C8orf74: variants seen among roughly 807,000 people sequenced by gnomAD.
The protein encoded by C8orf74 is uncharacterized protein C8orf74.
In C8orf74, 29 loss-of-function variants were observed where a neutral mutation model predicts 22.2. The ratio of observed to expected loss-of-function variants is 1.31; its 90% CI spans 0.97 to 1.78. C8orf74 has a LOEUF of 1.78. Among genes scored for constraint, C8orf74 ranks in the 40% most tolerant of loss-of-function variants. The pLI, the probability that C8orf74 is intolerant of heterozygous loss-of-function variation, is 0.00. For missense variants in C8orf74, 515 were observed against 369.9 expected, an observed-to-expected ratio of 1.39 and a Z score of -3.22; for synonymous variants, 255 against 163.1, an observed-to-expected ratio of 1.56 and a Z score of -4.30.
chr8:10,687,201 G>A (rs929216520), intron 2 of C8orf74: 1 of 437,880 alleles, frequency 2.3e-6, no homozygotes. Flanking sequence ...CAGGCACTGT[G>A]GAAAGCACCA....
rs1799560403 is a variant in C8orf74 at position 10,697,835 on chromosome 8, G to C, written c.478G>C (p.Asp160His). The change falls in exon 3 of 4, where the codon GAC becomes CAC. Residue 160 changes from aspartate (D) to histidine (H), a missense_variant. Coordinates refer to ENST00000304519, the MANE Select transcript of C8orf74 (RefSeq NM_001040032.2). ...PLPLAEGMDR[D>H]LWIHEQQVAT... ...CCCGCTGGCCGAGGGCATGGACAGG[G>C]ACTTGTGGATCCACGAGCAGCAGGT... 6.2e-7 allele frequency: 1 copy of C among 1,613,716 alleles called. No homozygotes were observed. Among genetic ancestry groups the C allele is most frequent in the African/African-American group, 1.3e-5 (1 of 74,954 alleles).
At chr8:10,698,901 C>CCACACACACA (rs59324425) in intron 3 of C8orf74, among the ~76,000 whole-genome samples, 18 of 137,626 alleles carry the variant, frequency 1.3e-4, no homozygotes, top group Non-Finnish European at 2.3e-4. Flanking sequence ...TACACACACA[C>CCACACACACA]CACACACACA....
chr8:10,700,483 T>G lies in C8orf74; in HGVS notation c.*12T>G. The G allele has an allele frequency of 6.6e-7, 1 of 1,513,526 alleles. No homozygotes were observed. 93.8% of individuals were successfully genotyped at this position (1,513,526 alleles called of 1,614,324 possible). On this transcript the variant is annotated 3_prime_UTR_variant, in exon 4 of 4. Transcript: ENST00000304519. ...AGGCAAGGAAGTAGAAGGTCCCGACTGCCACACGAGACTGACTGGGGACCA... is the reference window on the plus strand; with the variant it reads ...AGGCAAGGAAGTAGAAGGTCCCGACGGCCACACGAGACTGACTGGGGACCA...
intron 2 of C8orf74, among the ~76,000 whole-genome samples, chr8:10,690,231 G>T (rs1006621987): frequency 2.0e-5 from 3 of 152,158 alleles, no homozygotes; most frequent in Admixed American, 6.5e-5. Context: ...GAGGAGAGGG[G>T]TTGGTACCTG....
rs750497308 is a variant in C8orf74 at position 10,697,695 on chromosome 8, A to G, written c.338A>G (p.Tyr113Cys). The G allele has an allele frequency of 1.9e-6, 3 of 1,613,872 alleles. No homozygotes were observed. Among genetic ancestry groups the G allele is most frequent in the Non-Finnish European group, 8.5e-7 (1 of 1,179,856 alleles). Residue 113 changes from tyrosine (Y) to cysteine (C), a missense_variant, in exon 3 of 4, where the codon TAC becomes TGC. Transcript: ENST00000304519. ...ACCCACCTGCTGGCCCTCTGTGACT[A>G]CTTCCACCACACCTTCATCCGCCAC... is the stretch of plus-strand genomic sequence containing the variant. Reference protein sequence around the residue: ...NTTHLLALCDYFHHTFIRHYK... With the variant: ...NTTHLLALCDCFHHTFIRHYK...
intron 2 of C8orf74, among the ~76,000 whole-genome samples, chr8:10,690,368 AAGG>A (rs1351974460): frequency 6.6e-6 from 1 of 152,006 alleles, no homozygotes; most frequent in Non-Finnish European, 1.5e-5. Context: ...GCCAGGGGTG[AAGG>A]AGTTTAGTAG....
intron 3 of C8orf74, among the ~76,000 whole-genome samples, chr8:10,699,403 G>A (rs1799604400): frequency 6.6e-6 from 1 of 152,224 alleles, no homozygotes; most frequent in East Asian, 1.9e-4. Context: ...ACAACAAGAG[G>A]ATATTCTGGG....
intron 2 of C8orf74, among the ~76,000 whole-genome samples, chr8:10,689,946 G>C (rs1268411982): frequency 6.6e-6 from 1 of 152,152 alleles, no homozygotes; most frequent in Non-Finnish European, 1.5e-5. Context: ...GGACCCGCAG[G>C]AGTGTCTGGA....
intron 2 of C8orf74, among the ~76,000 whole-genome samples, chr8:10,677,858 C>T (rs1397936978): frequency 6.6e-6 from 1 of 152,170 alleles, no homozygotes; most frequent in Non-Finnish European, 1.5e-5. Context: ...TGGCAGTCCA[C>T]TAAAGCCCGT....
At chr8:10,685,880 T>G (rs1441649074) in intron 2 of C8orf74, among the ~76,000 whole-genome samples, 1 of 152,126 alleles carries the variant, frequency 6.6e-6, no homozygotes, top group East Asian at 1.9e-4. Context: ...CCATCCTGGC[T>G]AACACGGTGA....
chr8:10,700,391 A>T lies in C8orf74; in HGVS notation c.805A>T (p.Ile269Phe), dbSNP rs1312327248. 1 of 744,590 alleles carries T rather than the reference A, an allele frequency of 1.3e-6. No individual in the cohort carries two copies. Among genetic ancestry groups the T allele is most frequent in the Non-Finnish European group, 2.1e-6 (1 of 478,512 alleles). 46.1% of individuals were successfully genotyped at this position (744,590 alleles called of 1,614,324 possible). The stretch of plus-strand genomic sequence containing the variant: ...CGCCCCCACCCCTATCCCGCCCCCC[A>T]TCACCAGCCACGCAGGCCAGGAGGA... ...LNAPTPIPPP[I>F]TSHAGQEEAL... The change falls in exon 4 of 4, where the codon ATC (isoleucine) becomes TTC (phenylalanine). Residue 269 changes from isoleucine (I) to phenylalanine (F), a missense_variant. Physicochemically the swap from Ile to Phe is conservative, Grantham distance 21. Coordinates refer to ENST00000304519, the MANE Select transcript of C8orf74 (RefSeq NM_001040032.2).
At chr8:10,672,805 C>T (rs932285182) in intron 1 of C8orf74, 92 bp downstream of exon 1, 3 of 1,127,806 alleles carry the variant, frequency 2.7e-6, no homozygotes, top group African/African-American at 3.1e-5. Flanking sequence ...TTCAGGAGAC[C>T]CCGGGGCAGC....
Position 10,695,070 on chromosome 8 carries a change from G to A in C8orf74, c.242-2529G>A, listed in dbSNP as rs115780884. ...AGATGGACAGAGATGAAGGAAGGAAGGAATAGAGGGAAGGCTGGATGGGGG... is the reference window on the plus strand; with the variant it reads ...AGATGGACAGAGATGAAGGAAGGAAAGAATAGAGGGAAGGCTGGATGGGGG... On this transcript the variant is annotated intron_variant, in intron 2 of 3. Transcript: ENST00000304519. 4.8e-3 allele frequency among the ~76,000 whole-genome samples: 729 copies of A among 151,598 alleles called. 5 individuals are homozygous for A. Among genetic ancestry groups the A allele is most frequent in the African/African-American group, 0.017 (699 of 41,310 alleles).
In C8orf74 at chr8:10,697,903, G is replaced by C. The variant is rs368837794; in HGVS notation, c.546G>C (p.Val182=). 1.2e-6 allele frequency: 2 copies of C among 1,607,498 alleles called. No homozygotes were observed. Among genetic ancestry groups the C allele is most frequent in the Non-Finnish European group, 1.7e-6 (2 of 1,176,538 alleles). ...CCGAGGCACAGAAGCGCGCCGACGT[G>C]CTGCTCCTGAAAGAGGCGCTGCGCC... ...TEAEAQKRAD[V]LLLKEALRLE... Residue 182 remains valine, a synonymous_variant, in exon 3 of 4, where the codon GTG becomes GTC. Transcript: ENST00000304519.
intron 3 of C8orf74, among the ~76,000 whole-genome samples, chr8:10,698,280 C>T (rs1041813503): frequency 3.3e-5 from 5 of 152,198 alleles, no homozygotes; most frequent in African/African-American, 1.2e-4. Context: ...GGACTGAGGC[C>T]TGGCTGACCC....
chr8:10,674,695 T>A lies in C8orf74; in HGVS notation c.98T>A (p.Phe33Tyr). 2.5e-6 allele frequency: 4 copies of A among 1,610,164 alleles called. No homozygotes were observed. The highest frequency in any genetic ancestry group is 3.4e-6 in the Non-Finnish European group (4 of 1,178,304). ...RLRRLLNWEE[F>Y]DEQRDSRRSI... ...CGGAGGCTTCTGAACTGGGAGGAGT[T>A]TGACGAACAGAGAGACTCCCGGAGG... Residue 33 changes from phenylalanine to tyrosine, a missense_variant, in exon 2 of 4, where the codon TTT (phenylalanine) becomes TAT (tyrosine). Physicochemically the swap from Phe to Tyr is conservative, Grantham distance 22. Transcript: ENST00000304519.
chr8:10,687,309 A>T (rs1799281627), intron 2 of C8orf74: 1 of 333,640 alleles, frequency 3.0e-6, no homozygotes, highest in African/African-American at 2.2e-5. Flanking sequence ...ATACCATGGA[A>T]TCAATATATG....
At chr8:10,675,728 A>G (rs188465641) in intron 2 of C8orf74, 1 of 152,250 alleles carries the variant, frequency 6.6e-6, no homozygotes, top group South Asian at 2.1e-4. Context: ...GATGGTTCCA[A>G]CAAAGACTCA....
rs79466529 is a variant in C8orf74 at position 10,692,856 on chromosome 8, C to G, written c.242-4743C>G. ...CTGGGAGCTGGGCACTGCTCTGGCACTTGGCACCCAGCAGTGAACAGAAAA... is the reference window on the plus strand; with the variant it reads ...CTGGGAGCTGGGCACTGCTCTGGCAGTTGGCACCCAGCAGTGAACAGAAAA... On this transcript the variant is annotated intron_variant, in intron 2 of 3. Transcript: ENST00000304519. 8.8e-3 allele frequency: 1,346 copies of G among 152,374 alleles called. 42 individuals carry two copies. The highest frequency in any genetic ancestry group is 0.083 in the East Asian group (427 of 5,166). 9.4% of individuals were successfully genotyped at this position (152,374 alleles called of 1,614,324 possible).
Sources: allele counts gnomAD v4.1 joint callset (sites outside exome capture counted in the v4.1 genomes callset), GRCh38; gene constraint gnomAD v4.1.1; transcripts MANE v1.5; gene names NCBI Gene and HGNC (gene_info 2026-07-23, HGNC 2026-07-21).